SUGCT: variants seen among roughly 807,000 people sequenced by gnomAD.
The protein encoded by SUGCT is succinyl-CoA:glutarate-CoA transferase.
In SUGCT, 41 loss-of-function variants were observed where a neutral mutation model predicts 55.0. That is an observed-to-expected ratio of 0.74 (90% CI 0.58 to 0.97). SUGCT has a LOEUF of 0.97. Ranked by LOEUF, SUGCT falls within the 50% of genes least tolerant of loss-of-function variation. The pLI, the probability that SUGCT is intolerant of heterozygous loss-of-function variation, is 0.00. For synonymous variants in SUGCT, 187 were observed against 200.4 expected (o/e 0.93, Z 0.56); for missense variants, 568 against 547.8 (o/e 1.04, Z -0.37).
chr7:40,452,015 C>T (rs979474373), intron 10 of SUGCT, among the ~76,000 whole-genome samples: 2 of 152,318 alleles, frequency 1.3e-5, no homozygotes, highest in African/African-American at 4.8e-5. Flanking sequence ...TGTGGCAGCA[C>T]TGTCTGTGAC....
At chr7:40,950,732 T>G in the SUGCT span, among the ~76,000 whole-genome samples, 1 of 152,222 alleles carries the variant, frequency 6.6e-6, no homozygotes, top group South Asian at 2.1e-4. Context: ...TTTTTGTCTT[T>G]GGTTCTGTTT....
the SUGCT span, among the ~76,000 whole-genome samples, chr7:41,026,225 C>G: frequency 2.6e-5 from 4 of 152,088 alleles, no homozygotes; most frequent in Non-Finnish European, 4.4e-5. Flanking sequence ...TATTATGTAG[C>G]CAGTCCTACT....
At chr7:40,618,050 G>A (rs184834865) in intron 12 of SUGCT, among the ~76,000 whole-genome samples, 272 of 152,144 alleles carry the variant, frequency 1.8e-3, no homozygotes, top group Non-Finnish European at 3.0e-3. Context: ...TTTGAATTTT[G>A]AGTGATTGTT....
chr7:40,998,778 C>T, the SUGCT span, among the ~76,000 whole-genome samples: 7 of 152,226 alleles, frequency 4.6e-5, no homozygotes, highest in South Asian at 4.1e-4. Flanking sequence ...CTGACTCTGT[C>T]TTCCCAGCCA....
At chr7:40,182,163 C>T in intron 3 of SUGCT, 135 bp downstream of exon 3, 1 of 607,320 alleles carries the variant, frequency 1.6e-6, no homozygotes. Context: ...TCTTTTTCTT[C>T]TCCATTTCTT....
chr7:40,213,023 A>G (rs374474212), intron 6 of SUGCT, among the ~76,000 whole-genome samples: 10 of 152,236 alleles, frequency 6.6e-5, no homozygotes, highest in African/African-American at 2.4e-4. Flanking sequence ...GAAAAAATTT[A>G]AAACTAAATA....
rs372001642 is a variant in SUGCT, at chr7:40,195,526, T to C, written c.484+466T>C. ...GTGAGCCACCACGTCCGGCCTTGGC[T>C]GCTGAACATTATTAAGAAACATTAA... On this transcript the variant is annotated intron_variant, in intron 6 of 13. Coordinates refer to ENST00000335693, the MANE Select transcript of SUGCT (RefSeq NM_001193313.2). Among the ~76,000 whole-genome samples, 59 of 152,130 alleles carry C rather than the reference T, an allele frequency of 3.9e-4. 1 individual carries two copies. The South Asian group carries it at 0.012, about 31-fold the overall frequency.
intron 12 of SUGCT, among the ~76,000 whole-genome samples, chr7:40,623,562 A>G (rs985891833): frequency 3.3e-5 from 5 of 152,208 alleles, no homozygotes; most frequent in African/African-American, 1.2e-4. Flanking sequence ...TTAAGTTAAT[A>G]AATTTTATTA....
chr7:40,888,552 C>A, the SUGCT span, among the ~76,000 whole-genome samples: 15 of 151,948 alleles, frequency 9.9e-5, no homozygotes, highest in African/African-American at 3.6e-4. Context: ...GCATAGGAAG[C>A]AAAAATTAAT....
intron 12 of SUGCT, among the ~76,000 whole-genome samples, chr7:40,722,656 A>AT (rs1786406428): frequency 6.6e-6 from 1 of 152,070 alleles, no homozygotes; most frequent in African/African-American, 2.4e-5. Context: ...TTATTTTATT[A>AT]TTTTTTACTG....
chr7:40,270,135 C>CA (rs1186152626), intron 7 of SUGCT, among the ~76,000 whole-genome samples: 13,663 of 66,236 alleles, frequency 0.21, 953 homozygotes, highest in Middle Eastern at 0.33. Context: ...GACCCTTTCT[C>CA]AAAAAAAAAA....
chr7:40,366,513 C>G (rs868571642), intron 9 of SUGCT, among the ~76,000 whole-genome samples: 6 of 152,106 alleles, frequency 3.9e-5, no homozygotes, highest in Non-Finnish European at 8.8e-5. Context: ...TCAACCTACT[C>G]ATCTGACAAA....
chr7:40,753,631 A>G (rs1162311030), intron 13 of SUGCT, among the ~76,000 whole-genome samples: 1 of 152,182 alleles, frequency 6.6e-6, no homozygotes, highest in African/African-American at 2.4e-5. Context: ...TGCCTGAAGC[A>G]CTTTCTTAGT....
intron 9 of SUGCT, among the ~76,000 whole-genome samples, chr7:40,448,154 A>C (rs1202492644): frequency 1.3e-5 from 2 of 151,898 alleles, no homozygotes; most frequent in African/African-American, 4.8e-5. Flanking sequence ...AAAAGATTAC[A>C]TTTGAGTTCT....
At chr7:40,736,229 A>T (rs953476424) in intron 12 of SUGCT, among the ~76,000 whole-genome samples, 2 of 145,608 alleles carry the variant, frequency 1.4e-5, no homozygotes, top group South Asian at 2.1e-4. Flanking sequence ...ATTATAATAT[A>T]TCAATATATA....
At chr7:40,870,180 A>G in the SUGCT span, among the ~76,000 whole-genome samples, 1 of 152,148 alleles carries the variant, frequency 6.6e-6, no homozygotes, top group Non-Finnish European at 1.5e-5. Context: ...AAGTCTTTGG[A>G]TTTCATTCTG....
At chr7:40,345,691 A>G (rs981821984) in intron 9 of SUGCT, among the ~76,000 whole-genome samples, 2 of 152,074 alleles carry the variant, frequency 1.3e-5, no homozygotes, top group South Asian at 4.1e-4. Flanking sequence ...TCTGAAATCT[A>G]TATCTGAGAG....
At chr7:40,768,078 T>G (rs952460247) in intron 13 of SUGCT, among the ~76,000 whole-genome samples, 1 of 152,148 alleles carries the variant, frequency 6.6e-6, no homozygotes, top group Non-Finnish European at 1.5e-5. Context: ...CCATACTCCC[T>G]CAGGGTCCCA....
At chr7:40,540,089 C>T (rs999141343) in intron 12 of SUGCT, among the ~76,000 whole-genome samples, 1 of 152,158 alleles carries the variant, frequency 6.6e-6, no homozygotes, top group African/African-American at 2.4e-5. Context: ...GTTTTTGTCA[C>T]TACAGAAACT....
Sources: allele counts gnomAD v4.1 joint callset (sites outside exome capture counted in the v4.1 genomes callset), GRCh38; gene constraint gnomAD v4.1.1; transcripts MANE v1.5; gene names NCBI Gene and HGNC (gene_info 2026-07-23, HGNC 2026-07-21).